Variants in VPS13B observed in about 807,000 individuals in gnomAD.
VPS13B encodes vacuolar protein sorting 13 homolog B, also known as intermembrane lipid transfer protein VPS13B.
A neutral mutation model predicts 426.4 loss-of-function variants in VPS13B; 285 were observed. The observed-to-expected ratio is 0.67, with a 90% confidence interval of 0.61 to 0.74. VPS13B has a LOEUF of 0.74. Ranked by LOEUF, VPS13B falls within the 30% of genes least tolerant of loss-of-function variation. The pLI, the probability that VPS13B is intolerant of heterozygous loss-of-function variation, is 0.00. For synonymous variants in VPS13B, 1,676 were observed against 1,676.4 expected, an observed-to-expected ratio of 1.00 and a Z score of 0.01; for missense variants, 4,537 against 4,782.6, an observed-to-expected ratio of 0.95 and a Z score of 1.51.
At chr8:99,460,947 G>A (rs1341773583) in intron 23 of VPS13B, among the ~76,000 whole-genome samples, 1 of 152,170 alleles carries the variant, frequency 6.6e-6, no homozygotes, top group Non-Finnish European at 1.5e-5. Context: ...CGTATCCTAA[G>A]TTCAACAGTT....
At chr8:99,608,219 G>A (rs969432790) in intron 33 of VPS13B, among the ~76,000 whole-genome samples, 6 of 150,284 alleles carry the variant, frequency 4.0e-5, no homozygotes, top group African/African-American at 1.5e-4. Flanking sequence ...TATGATCGTG[G>A]CTCACTGTAA....
At chr8:99,642,983 T>C (rs1829433782) in intron 34 of VPS13B, among the ~76,000 whole-genome samples, 1 of 152,194 alleles carries the variant, frequency 6.6e-6, no homozygotes, top group Non-Finnish European at 1.5e-5. Context: ...TATTTAAAGA[T>C]TTTTGTACAT....
chr8:99,397,333 C>T (rs749037686), intron 21 of VPS13B, among the ~76,000 whole-genome samples: 19 of 152,080 alleles, frequency 1.2e-4, no homozygotes, highest in East Asian at 5.8e-4. Flanking sequence ...TTAGTAGAGA[C>T]GGGGTTTCAC....
intron 3 of VPS13B, among the ~76,000 whole-genome samples, chr8:99,095,399 C>T (rs763173696): frequency 1.3e-5 from 2 of 152,064 alleles, no homozygotes; most frequent in Non-Finnish European, 2.9e-5. Context: ...ATGGTTCCTC[C>T]CACCACCCCT....
At chr8:99,440,944 T>C (rs954661104) in intron 22 of VPS13B, among the ~76,000 whole-genome samples, 2 of 152,094 alleles carry the variant, frequency 1.3e-5, no homozygotes, top group African/African-American at 4.8e-5. Flanking sequence ...TAATGTGCCA[T>C]TTTAAATTGT....
chr8:99,342,157 G>A (rs1004395722), intron 19 of VPS13B, among the ~76,000 whole-genome samples: 21 of 152,098 alleles, frequency 1.4e-4, no homozygotes, highest in African/African-American at 4.1e-4. Flanking sequence ...GGGGTATAGC[G>A]TGATGTCTTG....
At chr8:99,599,140 A>G (rs1277056971) in intron 33 of VPS13B, among the ~76,000 whole-genome samples, 2 of 152,040 alleles carry the variant, frequency 1.3e-5, no homozygotes, top group African/African-American at 4.8e-5. Flanking sequence ...ATTTTTTAAA[A>G]TATTGTACTC....
chr8:99,442,016 G>A (rs1406592447), intron 22 of VPS13B, among the ~76,000 whole-genome samples: 15 of 151,994 alleles, frequency 9.9e-5, no homozygotes. Flanking sequence ...CGTAAAAATA[G>A]CCCTTTTTAA....
rs975832498 is a variant in VPS13B, at chr8:99,192,907, G to A, written c.2365G>A (p.Gly789Ser). 1 of 1,613,172 alleles carries A rather than the reference G, an allele frequency of 6.2e-7. No homozygotes were observed. Among genetic ancestry groups the A allele is most frequent in the African/African-American group, 1.3e-5 (1 of 74,858 alleles). Residue 789 changes from glycine (G) to serine (S), a missense_variant, in exon 17 of 62, where the codon GGT (glycine) becomes AGT (serine). By Grantham distance (56) the Gly-to-Ser change is moderately conservative. Coordinates refer to ENST00000357162, the MANE Select transcript of VPS13B (RefSeq NM_152564.5). ...AAGATCTCAGATTGCTATAACTGAA[G>A]GTATATTTGAACTTCCAAATCTCAC... is the stretch of plus-strand genomic sequence containing the variant. ...TKRSQIAITEGIFELPNLTIQ... is the reference protein window; with the variant it reads ...TKRSQIAITESIFELPNLTIQ...
intron 16 of VPS13B, among the ~76,000 whole-genome samples, chr8:99,186,472 A>G (rs963771869): frequency 6.6e-6 from 1 of 152,086 alleles, no homozygotes; most frequent in Non-Finnish European, 1.5e-5. Context: ...TTGGTAATAG[A>G]TACATTGAGT....
At position 99,488,515 on chromosome 8, in the gene VPS13B, G is replaced by A. The variant is rs149233453; in HGVS notation, c.3870+6713G>A. The stretch of plus-strand genomic sequence containing the variant: ...ACAATTGGCTTCCTCTGACTTTGGT[G>A]TAATAGTTTTGTGGAACTTGATAAG... On this transcript the variant is annotated intron_variant, in intron 25 of 61. Transcript: ENST00000357162. Among the ~76,000 whole-genome samples, 12 of 152,160 alleles carry A rather than the reference G, an allele frequency of 7.9e-5. No homozygotes were observed. In the East Asian group the frequency reaches 2.3e-3, roughly 29 times the overall value.
intron 17 of VPS13B, among the ~76,000 whole-genome samples, chr8:99,269,186 C>T (rs535587987): frequency 6.6e-6 from 1 of 152,106 alleles, no homozygotes; most frequent in Non-Finnish European, 1.5e-5. Flanking sequence ...TGGACTAATA[C>T]AGAGGAGGAA....
At chr8:99,209,705 C>A in intron 17 of VPS13B, 1 of 982,820 alleles carries the variant, frequency 1.0e-6, no homozygotes, top group Non-Finnish European at 1.2e-6. Context: ...CTGTGCCTGG[C>A]CCTTTATAAA....
chr8:99,409,248 T>C (rs1162695647), intron 21 of VPS13B, among the ~76,000 whole-genome samples: 3 of 152,116 alleles, frequency 2.0e-5, no homozygotes, highest in Admixed American at 2.0e-4. Flanking sequence ...AGGTGGGGAT[T>C]GCACAGGTCT....
chr8:99,391,685 A>G lies in VPS13B; in HGVS notation c.3063A>G (p.Val1021=). The G allele has an allele frequency of 6.2e-7, 1 of 1,614,108 alleles. No homozygotes were observed. Among genetic ancestry groups the G allele is most frequent in the Non-Finnish European group, 8.5e-7 (1 of 1,179,998 alleles). ...CCTCTGAATATGCCAGCAGCCCTGT[A>G]AAAACAAAAACGGTAACAGGTATGT... ...YQASEYASSP[V]KTKTVTESRP... The change falls in exon 21 of 62, where the codon GTA becomes GTG. Residue 1021 remains valine (V), a synonymous_variant. Transcript: ENST00000357162.
At chr8:99,804,231 C>A in intron 43 of VPS13B, 1 of 152,654 alleles carries the variant, frequency 6.6e-6, no homozygotes, top group South Asian at 2.0e-4. Context: ...CATGAGGCAG[C>A]AGGAATTCGA....
At chr8:99,236,446 G>A (rs1477242005) in intron 17 of VPS13B, among the ~76,000 whole-genome samples, 8 of 151,948 alleles carry the variant, frequency 5.3e-5, no homozygotes, top group Non-Finnish European at 1.2e-4. Flanking sequence ...GACAGGGTTT[G>A]GCCATATTGG....
chr8:99,279,930 C>T lies in VPS13B; in HGVS notation c.2824+4676C>T, dbSNP rs531382150. ...GACTACAGGCACCTGTTACCATGCC[C>T]GGCTAATTTTTTGTATTTTTAGTAG... On this transcript the variant is annotated intron_variant, in intron 19 of 61. Coordinates refer to ENST00000357162, the MANE Select transcript of VPS13B (RefSeq NM_152564.5). Among the ~76,000 whole-genome samples, 22 of 152,188 alleles carry T rather than the reference C, an allele frequency of 1.4e-4. 1 individual carries two copies. In the South Asian group the frequency reaches 3.5e-3, roughly 24 times the overall value.
chr8:99,369,768 CT>C (rs1813082450), intron 19 of VPS13B, among the ~76,000 whole-genome samples: 1 of 152,178 alleles, frequency 6.6e-6, no homozygotes, highest in Non-Finnish European at 1.5e-5. Flanking sequence ...GGAGTTTCAT[CT>C]ATAGCAAAAT....
Sources: gnomAD v4.1 joint callset for allele counts (sites outside exome capture counted in the v4.1 genomes callset) on GRCh38, gnomAD v4.1.1 for gene constraint, MANE v1.5 for transcripts, NCBI Gene and HGNC (gene_info 2026-07-23, HGNC 2026-07-21) for gene names.